The following ATP6V0A1 variants were observed in gnomAD, a reference collection of about 807,000 sequenced individuals.
ATP6V0A1 encodes the protein ATPase H+ transporting V0 subunit a1, also known as V-type proton ATPase 116 kDa subunit a 1.
In ATP6V0A1, 43 loss-of-function variants were observed where a neutral mutation model predicts 105.4. The ratio of observed to expected loss-of-function variants is 0.41; its 90% CI spans 0.32 to 0.53. The LOEUF is 0.53. ATP6V0A1 is among the 20% of genes least tolerant of loss of function. The pLI, the probability that ATP6V0A1 is intolerant of heterozygous loss-of-function variation, is 0.30. For synonymous variants in ATP6V0A1, 362 were observed against 372.8 expected, an observed-to-expected ratio of 0.97 and a Z score of 0.33; for missense variants, 676 against 1,051.1, an observed-to-expected ratio of 0.64 and a Z score of 4.93.
intron 16 of ATP6V0A1, 57 bp from the exon 17 acceptor site, chr17:42,501,140 C>T (rs1235872041): frequency 8.5e-6 from 12 of 1,416,428 alleles, no homozygotes; most frequent in Admixed American, 1.8e-5. Flanking sequence ...TTGGAAACTG[C>T]GTATGTGATC....
intron 14 of ATP6V0A1, among the ~76,000 whole-genome samples, chr17:42,496,790 C>T (rs763392416): frequency 2.0e-5 from 3 of 151,886 alleles, no homozygotes; most frequent in Non-Finnish European, 4.4e-5. Flanking sequence ...GAGCCCAGAT[C>T]GTGCCACTGC....
At chr17:42,463,245 G>A (rs993780684) in intron 2 of ATP6V0A1, among the ~76,000 whole-genome samples, 1 of 149,386 alleles carries the variant, frequency 6.7e-6, no homozygotes, top group Admixed American at 6.7e-5. Context: ...GACCTCAGGT[G>A]ATCCATCCCC....
Position 42,500,729 on chromosome 17 carries a change from A to T in ATP6V0A1, c.1702A>T (p.Ile568Phe). Residue 568 changes from isoleucine to phenylalanine, a missense_variant, in exon 16 of 22, where the codon ATC becomes TTC. Ile to Phe is a conservative substitution (Grantham distance 21, BLOSUM62 0). Around this residue, in one of 3 missense-constraint regions of ATP6V0A1, gnomAD observed 435 missense variants for 642.2 expected, o/e 0.68. Transcript: ENST00000343619. ...TAGCTATTTCAAGAAGCCCCTGAAT[A>T]TCTACTTTGGATTTATTCCTGAAAT... ...NHIYFKKPLNIYFGFIPEIIF... is the reference protein window; with the variant it reads ...NHIYFKKPLNFYFGFIPEIIF... The T allele has an allele frequency of 6.2e-7, 1 of 1,613,670 alleles. No homozygotes were observed. The highest frequency in any genetic ancestry group is 8.5e-7 in the Non-Finnish European group (1 of 1,179,622).
chr17:42,500,768 T>G lies in ATP6V0A1; in HGVS notation c.1741T>G (p.Ser581Ala). ...TATTCCTGAAATAATCTTCATGACC[T>G]CTTTGTTTGGCTATTTGGTTATCCT... ...GFIPEIIFMT[S>A]LFGYLVILIF... The change falls in exon 16 of 22, where the codon TCT becomes GCT. Residue 581 changes from serine to alanine, a missense_variant. Ser to Ala is a moderately conservative substitution (Grantham distance 99, BLOSUM62 1). Transcript: ENST00000343619. The G allele has an allele frequency of 1.2e-6, 2 of 1,614,066 alleles. No homozygotes were observed. Among genetic ancestry groups the G allele is most frequent in the Non-Finnish European group, 1.7e-6 (2 of 1,179,928 alleles).
chr17:42,481,245 C>T (rs1479882852), intron 8 of ATP6V0A1: 7 of 147,926 alleles, frequency 4.7e-5, no homozygotes, highest in African/African-American at 1.8e-4. Flanking sequence ...TTTTTTCTGA[C>T]CGAGTCTCCC....
At chr17:42,465,223 A>G (rs903687971) in intron 2 of ATP6V0A1, among the ~76,000 whole-genome samples, 10 of 151,390 alleles carry the variant, frequency 6.6e-5, no homozygotes, top group Non-Finnish European at 1.3e-4. Context: ...CAAACTCCTG[A>G]GCTCAGATAA....
chr17:42,502,115 T>A (rs1462638265), intron 17 of ATP6V0A1, among the ~76,000 whole-genome samples: 2 of 152,224 alleles, frequency 1.3e-5, no homozygotes, highest in Non-Finnish European at 2.9e-5. Flanking sequence ...GAGAAACATG[T>A]CTGCTGCTCA....
chr17:42,462,089 G>A (rs967167419), intron 2 of ATP6V0A1, among the ~76,000 whole-genome samples: 8 of 151,208 alleles, frequency 5.3e-5, no homozygotes, highest in East Asian at 1.9e-4. Flanking sequence ...GTGGCACATG[G>A]CTGTGGTCCC....
At chr17:42,490,457 A>G in intron 10 of ATP6V0A1, 30 bp from the exon 11 acceptor site, 1 of 1,579,278 alleles carries the variant, frequency 6.3e-7, no homozygotes, top group Non-Finnish European at 8.6e-7. Flanking sequence ...AGGATAACCT[A>G]AGTTTGATAA....
At chr17:42,476,785 CTA>C (rs906050422) in intron 5 of ATP6V0A1, among the ~76,000 whole-genome samples, 1 of 152,054 alleles carries the variant, frequency 6.6e-6, no homozygotes, top group African/African-American at 2.4e-5. Context: ...CCCATGAACT[CTA>C]GTTTGGTTTA....
intron 15 of ATP6V0A1, among the ~76,000 whole-genome samples, chr17:42,499,694 A>G (rs2091504655): frequency 6.6e-6 from 1 of 151,824 alleles, no homozygotes; most frequent in Non-Finnish European, 1.5e-5. Context: ...TGGCTGAGGC[A>G]GGAGAATTGC....
At chr17:42,461,033 A>G (rs2086335554) in intron 2 of ATP6V0A1, 22 bp downstream of exon 2, 1 of 1,574,226 alleles carries the variant, frequency 6.4e-7, no homozygotes, top group Non-Finnish European at 8.7e-7. Context: ...TGGGGCTGCG[A>G]CTTGATTACT....
chr17:42,490,590 A>T lies in ATP6V0A1; in HGVS notation c.1127A>T (p.Asn376Ile), dbSNP rs1362992943. Residue 376 changes from asparagine to isoleucine, a missense_variant, in exon 11 of 22, where the codon AAC becomes ATC. Transcript: ENST00000343619. The part of the protein sequence containing the change: ...KTNKFTYGFQ[N>I]IVDAYGIGTY... ...AACAAGTTTACCTATGGCTTTCAGA[A>T]CATAGTAGATGCTTATGGAATTGGA... The T allele has an allele frequency of 6.2e-7, 1 of 1,613,128 alleles. No individual in the cohort carries two copies. Among genetic ancestry groups the T allele is most frequent in the Non-Finnish European group, 8.5e-7 (1 of 1,179,634 alleles).
At chr17:42,481,586 G>A (rs1004570221) in intron 8 of ATP6V0A1, among the ~76,000 whole-genome samples, 3 of 152,270 alleles carry the variant, frequency 2.0e-5, no homozygotes, top group Admixed American at 1.3e-4. Context: ...GCTCATGCCT[G>A]TAATCCCAAC....
intron 17 of ATP6V0A1, among the ~76,000 whole-genome samples, chr17:42,501,944 G>A (rs904865077): frequency 6.6e-6 from 1 of 152,086 alleles, no homozygotes; most frequent in African/African-American, 2.4e-5. Context: ...TGAGGTGGAA[G>A]GATCGCTTGA....
At chr17:42,476,319 T>C (rs959464962) in intron 5 of ATP6V0A1, among the ~76,000 whole-genome samples, 1 of 152,180 alleles carries the variant, frequency 6.6e-6, no homozygotes, top group Non-Finnish European at 1.5e-5. Flanking sequence ...TTATACACAG[T>C]TTTTCCCCCT....
At chr17:42,471,229 G>A (rs569656463) in intron 5 of ATP6V0A1, 1 of 152,028 alleles carries the variant, frequency 6.6e-6, no homozygotes, top group East Asian at 1.9e-4. Context: ...GACCATCTTG[G>A]CTAACACGGT....
intron 14 of ATP6V0A1, chr17:42,495,961 A>G (rs542383906): frequency 3.0e-6 from 1 of 329,986 alleles, no homozygotes; most frequent in Admixed American, 4.6e-5. Context: ...AGTCCCAGCT[A>G]CCCGGGAGAC....
intron 19 of ATP6V0A1, chr17:42,509,914 C>T (rs1198169505): frequency 6.6e-6 from 1 of 151,824 alleles, no homozygotes; most frequent in Non-Finnish European, 1.5e-5. Context: ...GGCACATATA[C>T]AGTCTGGTTC....
Sources: gnomAD v4.1 joint callset for allele counts (sites outside exome capture counted in the v4.1 genomes callset) on GRCh38, gnomAD v4.1.1 for gene constraint, gnomAD v4.1.1 regional missense constraint, MANE v1.5 for transcripts, NCBI Gene and HGNC (gene_info 2026-07-23, HGNC 2026-07-21) for gene names.